STK17A: variants seen among roughly 807,000 people sequenced by gnomAD.
The protein encoded by STK17A is serine/threonine kinase 17a.
STK17A carries 26 observed loss-of-function variants against 43.7 expected under a neutral mutation model. That is an observed-to-expected ratio of 0.60 (90% CI 0.44 to 0.83). STK17A has a LOEUF of 0.83. STK17A is among the 40% of genes least tolerant of loss of function. The probability of loss-of-function intolerance (pLI) is 0.00; values close to 1 mark genes in which losing one functional copy is unlikely to be tolerated. For missense variants in STK17A, 476 were observed against 511.6 expected, an observed-to-expected ratio of 0.93 and a Z score of 0.67; for synonymous variants, 191 against 182.5, an observed-to-expected ratio of 1.05 and a Z score of -0.38.
chr7:43,624,911 C>G lies in STK17A; in HGVS notation c.*69C>G. 2.3e-6 allele frequency: 3 copies of G among 1,318,206 alleles called. No homozygotes were observed. Among genetic ancestry groups the G allele is most frequent in the Non-Finnish European group, 3.1e-6 (3 of 962,156 alleles). 81.7% of individuals were successfully genotyped at this position (1,318,206 alleles called of 1,614,324 possible). On this transcript the variant is annotated 3_prime_UTR_variant, in exon 7 of 7. Coordinates refer to ENST00000319357, the MANE Select transcript of STK17A (RefSeq NM_004760.3). ...GTTAATATTATTTATGGACCTCTGG[C>G]CAAATGGTACATGTACTGGAAGTGG...
chr7:43,603,809 T>G (rs2082571245), intron 2 of STK17A, among the ~76,000 whole-genome samples: 2 of 152,192 alleles, frequency 1.3e-5, no homozygotes, highest in Admixed American at 1.3e-4. Context: ...ACAAACTTTG[T>G]TTCATGCACA....
intron 2 of STK17A, among the ~76,000 whole-genome samples, chr7:43,606,762 T>C (rs1220343726): frequency 6.6e-6 from 1 of 152,092 alleles, no homozygotes; most frequent in Non-Finnish European, 1.5e-5. Context: ...TTTAGTGATA[T>C]TAGTTAATAT....
chr7:43,623,010 T>C (rs943655510), intron 4 of STK17A: 1 of 152,498 alleles, frequency 6.6e-6, no homozygotes, highest in Non-Finnish European at 1.5e-5. Flanking sequence ...CTCAATTCTA[T>C]AGATGCAACT....
intron 1 of STK17A, among the ~76,000 whole-genome samples, chr7:43,594,890 AG>A (rs869039266): frequency 1.5e-4 from 21 of 141,700 alleles, no homozygotes; most frequent in African/African-American, 2.0e-4. Flanking sequence ...AAAAAAAAAA[AG>A]AAAGAAAGAA....
intron 1 of STK17A, among the ~76,000 whole-genome samples, chr7:43,587,159 T>TTG (rs1554477692): frequency 1.4e-5 from 2 of 142,076 alleles, no homozygotes; most frequent in Non-Finnish European, 3.2e-5. Context: ...TTTTTGTTTT[T>TTG]TTTTTTTTTT....
At chr7:43,612,381 A>C (rs1238382746) in intron 3 of STK17A, among the ~76,000 whole-genome samples, 1 of 152,178 alleles carries the variant, frequency 6.6e-6, no homozygotes, top group East Asian at 1.9e-4. Flanking sequence ...GGCCTCTGTG[A>C]GTCTGGATGA....
intron 1 of STK17A, among the ~76,000 whole-genome samples, chr7:43,584,021 A>T (rs1459138215): frequency 6.6e-6 from 1 of 151,628 alleles, no homozygotes; most frequent in South Asian, 2.1e-4. Flanking sequence ...CTTTGCTTCG[A>T]GTTTAGATTG....
intron 3 of STK17A, among the ~76,000 whole-genome samples, chr7:43,613,235 C>T (rs2083040299): frequency 6.6e-6 from 1 of 152,144 alleles, no homozygotes; most frequent in Non-Finnish European, 1.5e-5. Flanking sequence ...ATTCAGGGTG[C>T]AAAAATTCCA....
At chr7:43,587,572 C>T (rs2082452332) in intron 1 of STK17A, among the ~76,000 whole-genome samples, 1 of 151,398 alleles carries the variant, frequency 6.6e-6, no homozygotes, top group South Asian at 2.1e-4. Flanking sequence ...ACTGTGTGTC[C>T]TTACCTAGAT....
intron 1 of STK17A, among the ~76,000 whole-genome samples, chr7:43,588,883 A>G (rs2082461163): frequency 6.6e-6 from 1 of 151,500 alleles, no homozygotes; most frequent in Non-Finnish European, 1.5e-5. Flanking sequence ...TACTGTACTT[A>G]TGTATCAAGT....
chr7:43,595,926 T>C lies in STK17A; in HGVS notation c.232T>C (p.Cys78Arg). Residue 78 changes from cysteine to arginine, a missense_variant, in exon 2 of 7, where the codon TGT (cysteine) becomes CGT (arginine). Transcript: ENST00000319357. ...GGGGAAATTTGCAGTGGTGAGAAAA[T>C]GTATAAAGAAAGATTCTGGGAAAGA... ...GRGKFAVVRK[C>R]IKKDSGKEFA... 3 of 1,613,590 alleles carry C rather than the reference T, an allele frequency of 1.9e-6. No individual in the cohort carries two copies. Among genetic ancestry groups the C allele is most frequent in the Non-Finnish European group, 2.5e-6 (3 of 1,179,820 alleles).
At chr7:43,624,029 A>G (rs1199445816) in intron 6 of STK17A, 141 bp downstream of exon 6, 3 of 575,524 alleles carry the variant, frequency 5.2e-6, no homozygotes, top group Non-Finnish European at 8.0e-6. Context: ...AAACACAAAA[A>G]TGTTGACATA....
intron 4 of STK17A, among the ~76,000 whole-genome samples, chr7:43,619,944 G>T (rs539747029): frequency 1.6e-4 from 24 of 152,358 alleles, no homozygotes; most frequent in African/African-American, 5.5e-4. Context: ...AGAGCTAAGA[G>T]AATTTGAAGG....
In STK17A at chr7:43,583,131, A is replaced by G. The variant is rs1042895464; in HGVS notation, c.-113A>G. ...CCGCAGTCCGAGCGCCGCGCTGGGGAGAGCGGGTGTTTGAAGGCTCCGCGG... is the reference window on the plus strand; with the variant it reads ...CCGCAGTCCGAGCGCCGCGCTGGGGGGAGCGGGTGTTTGAAGGCTCCGCGG... On this transcript the variant is annotated 5_prime_UTR_variant, in exon 1 of 7. Transcript: ENST00000319357. The G allele has an allele frequency of 4.5e-5, 52 of 1,147,092 alleles. No individual in the cohort carries two copies. In the African/African-American group the frequency reaches 7.2e-4, roughly 16 times the overall value. 71.1% of individuals were successfully genotyped at this position (1,147,092 alleles called of 1,614,324 possible).
intron 2 of STK17A, among the ~76,000 whole-genome samples, chr7:43,602,770 T>A (rs141114564): frequency 2.6e-5 from 4 of 152,308 alleles, no homozygotes; most frequent in African/African-American, 9.6e-5. Flanking sequence ...TCAGCTATCA[T>A]TTACATGCAG....
chr7:43,616,733 T>A (rs1320049485), intron 3 of STK17A, among the ~76,000 whole-genome samples: 1 of 151,946 alleles, frequency 6.6e-6, no homozygotes, highest in Non-Finnish European at 1.5e-5. Flanking sequence ...CCGTCTCTAC[T>A]AAAAATACAA....
chr7:43,617,843 A>AGAAG (rs1408701721), intron 3 of STK17A, among the ~76,000 whole-genome samples: 3 of 152,328 alleles, frequency 2.0e-5, no homozygotes, highest in African/African-American at 7.2e-5. Flanking sequence ...ACCAGGTAAA[A>AGAAG]GAAGGTGGCC....
intron 6 of STK17A, 147 bp from the exon 7 acceptor site, chr7:43,624,371 G>C: frequency 2.6e-6 from 2 of 769,678 alleles, no homozygotes; most frequent in Non-Finnish European, 3.9e-6. Context: ...CAAATTCCAA[G>C]ACTAATAGTT....
Position 43,583,148 on chromosome 7 carries a change from G to A in STK17A, c.-96G>A, listed in dbSNP as rs1196067272. 21 of 1,354,442 alleles carry A rather than the reference G, an allele frequency of 1.6e-5. No individual in the cohort carries two copies. Among genetic ancestry groups the A allele is most frequent in the Non-Finnish European group, 1.9e-5 (19 of 996,896 alleles). The allele number at this position is 1,354,442 out of a possible 1,614,324, so 83.9% of individuals were successfully genotyped here. Reference sequence around the variant, plus strand: ...CGCTGGGGAGAGCGGGTGTTTGAAGGCTCCGCGGACCGGCACTAGGAGCCG... The same window carrying A: ...CGCTGGGGAGAGCGGGTGTTTGAAGACTCCGCGGACCGGCACTAGGAGCCG... On this transcript the variant is annotated 5_prime_UTR_variant, in exon 1 of 7. Transcript: ENST00000319357.
Sources: allele counts gnomAD v4.1 joint callset (sites outside exome capture counted in the v4.1 genomes callset), GRCh38; gene constraint gnomAD v4.1.1; transcripts MANE v1.5; gene names NCBI Gene and HGNC (gene_info 2026-07-23, HGNC 2026-07-21).